AMMECR1: variants seen among roughly 807,000 people sequenced by gnomAD.
The protein encoded by AMMECR1 is nuclear protein AMMECR1.
Under a neutral mutation model 22.5 loss-of-function variants are expected in AMMECR1, and 3 were observed. The observed-to-expected ratio is 0.13, with a 90% CI of 0.06 to 0.35. AMMECR1 has a LOEUF of 0.35. Among genes scored for constraint, AMMECR1 ranks in the 10% least tolerant of loss-of-function variants. AMMECR1 has a pLI of 1.00. For missense variants in AMMECR1, 235 were observed against 278.7 expected (o/e 0.84, Z 1.12); for synonymous variants, 130 against 116.7 (o/e 1.11, Z -0.74).
At chrX:110,258,128 C>A (rs1480115020) in intron 2 of AMMECR1, among the ~76,000 whole-genome samples, 1 of 111,890 alleles carries the variant, frequency 8.9e-6, no homozygotes, top group Non-Finnish European at 1.9e-5. Flanking sequence ...GAGATTCCAA[C>A]TGGAAACTCT....
chrX:110,231,723 G>A (rs374107163), intron 2 of AMMECR1, among the ~76,000 whole-genome samples: 2 of 111,259 alleles, frequency 1.8e-5, no homozygotes, highest in African/African-American at 6.6e-5. Flanking sequence ...AGACTGGCAA[G>A]TTGGATAAAG....
rs183509119 is a variant in AMMECR1, at chrX:110,346,732, T to C, written c.-147-28883A>G. On this transcript the variant is annotated intron_variant, in intron 2 of 7. Transcript: ENST00000372057. ...AAAAAGGAACAGACTTTCTGGGGTCTGAAGGGATTTGTACTTGAAGATACT... is the reference window on the plus strand; with the variant it reads ...AAAAAGGAACAGACTTTCTGGGGTCCGAAGGGATTTGTACTTGAAGATACT... 469 of 828,738 alleles carry C rather than the reference T, an allele frequency of 5.7e-4. 1 individual carries two copies. In the African/African-American group the frequency reaches 8.5e-3, roughly 15 times the overall value. 68.3% of individuals were successfully genotyped at this position (828,738 alleles called of 1,213,427 possible).
intron 2 of AMMECR1, among the ~76,000 whole-genome samples, chrX:110,328,299 G>A (rs1402389810): frequency 2.7e-5 from 3 of 111,388 alleles, no homozygotes; most frequent in Admixed American, 9.5e-5. Flanking sequence ...TACATACTTC[G>A]TAAAATGGTT....
At chrX:110,396,970 A>G (rs2068532781) in intron 2 of AMMECR1, among the ~76,000 whole-genome samples, 1 of 111,177 alleles carries the variant, frequency 9.0e-6, no homozygotes, top group Admixed American at 9.5e-5. Context: ...CACACCCGTG[A>G]GTTTTTCTCT....
intron 2 of AMMECR1, chrX:110,346,886 G>A (rs1414249056): frequency 1.1e-5 from 7 of 617,880 alleles, no homozygotes; most frequent in Non-Finnish European, 1.9e-5. Context: ...TCTTCGTAGC[G>A]GCGACGCTGG....
intron 2 of AMMECR1, among the ~76,000 whole-genome samples, chrX:110,245,063 G>C (rs1304479409): frequency 8.9e-6 from 1 of 112,000 alleles, no homozygotes; most frequent in Non-Finnish European, 1.9e-5. Flanking sequence ...GAGGGCAATA[G>C]TAAGCATATT....
chrX:110,250,392 G>A (rs1378674583), intron 2 of AMMECR1, among the ~76,000 whole-genome samples: 1 of 111,637 alleles, frequency 9.0e-6, no homozygotes, highest in Non-Finnish European at 1.9e-5. Context: ...GAAGTCTAAG[G>A]TAGACTGTGA....
intron 1 of AMMECR1, 29 bp downstream of exon 1, chrX:110,317,570 G>T: frequency 8.8e-7 from 1 of 1,142,584 alleles, no homozygotes. Flanking sequence ...GAGCGCAAGG[G>T]AGAGGGCGGC....
chrX:110,270,101 A>G (rs1173455369), intron 1 of AMMECR1, among the ~76,000 whole-genome samples: 1 of 111,317 alleles, frequency 9.0e-6, no homozygotes, highest in Non-Finnish European at 1.9e-5. Flanking sequence ...AGTCTTTTAT[A>G]AGGACAATAA....
At chrX:110,299,463 G>A (rs201237876) in intron 1 of AMMECR1, among the ~76,000 whole-genome samples, 2 of 111,955 alleles carry the variant, frequency 1.8e-5, no homozygotes, top group East Asian at 5.6e-4. Flanking sequence ...TTACATTAAT[G>A]TGAGAAAAGA....
rs1477342939 is a variant in AMMECR1 at position 110,212,865 on chromosome X, A to G, written c.699+3653T>C. Among the ~76,000 whole-genome samples, 3 of 112,086 alleles carry G rather than the reference A, an allele frequency of 2.7e-5. No individual in the cohort carries two copies. The East Asian group carries it at 8.3e-4, about 31-fold the overall frequency. ...TAACCAAATATTCAGATTTATTGAT[A>G]CAAAGACAGATAAAGAATGGAAAAA... On this transcript the variant is annotated intron_variant, in intron 3 of 5. Transcript: ENST00000262844.
chrX:110,313,005 A>G (rs1022575084), intron 1 of AMMECR1, among the ~76,000 whole-genome samples: 1 of 112,139 alleles, frequency 8.9e-6, no homozygotes, highest in Admixed American at 9.4e-5. Context: ...ACAGAAATAT[A>G]ATGGCTTATA....
chrX:110,237,282 C>T (rs1005682311), intron 2 of AMMECR1, among the ~76,000 whole-genome samples: 6 of 110,379 alleles, frequency 5.4e-5, no homozygotes, highest in Middle Eastern at 4.6e-3. Flanking sequence ...TATTAGTACA[C>T]AAATTTTTTT....
intron 2 of AMMECR1, among the ~76,000 whole-genome samples, chrX:110,413,711 C>T (rs754039945): frequency 1.8e-5 from 2 of 110,304 alleles, no homozygotes; most frequent in Non-Finnish European, 3.8e-5. Context: ...CTGGCCTCAA[C>T]GCTCTTCTTT....
chrX:110,312,925 C>A (rs1457626410), intron 1 of AMMECR1, among the ~76,000 whole-genome samples: 2 of 112,647 alleles, frequency 1.8e-5, no homozygotes, highest in Non-Finnish European at 3.7e-5. Flanking sequence ...GTCATGGCCT[C>A]ATGGCATCAT....
chrX:110,306,288 C>T (rs1195927744), intron 1 of AMMECR1, among the ~76,000 whole-genome samples: 6 of 109,676 alleles, frequency 5.5e-5, no homozygotes, highest in Non-Finnish European at 1.1e-4. Flanking sequence ...AGCAAGACTC[C>T]GTCTCGAAAA....
chrX:110,294,897 C>T (rs2067927334), intron 1 of AMMECR1, among the ~76,000 whole-genome samples: 1 of 110,350 alleles, frequency 9.1e-6, no homozygotes, highest in Non-Finnish European at 1.9e-5. Flanking sequence ...CACATCTCTT[C>T]TACCTTTGAA....
chrX:110,317,873 C>T lies in AMMECR1; in HGVS notation c.199G>A (p.Gly67Ser). Residue 67 changes from glycine to serine, a missense_variant, in exon 1 of 6, where the codon GGC becomes AGC. Coordinates refer to ENST00000262844, the MANE Select transcript of AMMECR1 (RefSeq NM_015365.3). Reference protein sequence around the residue: ...GGLTGGGSGSGCTLSPPQGCG... With the variant: ...GGLTGGGSGSSCTLSPPQGCG... ...CCCTGGGGGGGAGAGAGGGTACAGC[C>T]GCTGCCGCTACCTCCTCCGGTTAGA... The T allele has an allele frequency of 8.5e-7, 1 of 1,180,970 alleles. No homozygotes were observed. The highest frequency in any genetic ancestry group is 1.9e-5 in the South Asian group (1 of 52,415).
At chrX:110,341,395 A>T (rs2148238585) in intron 2 of AMMECR1, among the ~76,000 whole-genome samples, 1 of 112,672 alleles carries the variant, frequency 8.9e-6, no homozygotes, top group African/African-American at 3.2e-5. Flanking sequence ...ATCCCCCTTT[A>T]TACATGGTTT....
Sources: allele counts gnomAD v4.1 joint callset (sites outside exome capture counted in the v4.1 genomes callset), GRCh38; gene constraint gnomAD v4.1.1; transcripts MANE v1.5; gene names NCBI Gene and HGNC (gene_info 2026-07-23, HGNC 2026-07-21).